GRID2: variants seen among roughly 807,000 people sequenced by gnomAD.
GRID2 encodes the protein glutamate ionotropic receptor delta type subunit 2.
A neutral mutation model predicts 114.8 loss-of-function variants in GRID2; 33 were observed. That is an observed-to-expected ratio of 0.29 (90% CI 0.22 to 0.38). The LOEUF is 0.38. Ranked by LOEUF, GRID2 falls within the 10% of genes least tolerant of loss-of-function variation. The pLI, the probability that GRID2 is intolerant of heterozygous loss-of-function variation, is 1.00. For missense variants in GRID2, 1,184 were observed against 1,257.7 expected, an observed-to-expected ratio of 0.94 and a Z score of 0.89; for synonymous variants, 505 against 449.9, an observed-to-expected ratio of 1.12 and a Z score of -1.55.
chr4:93,006,650 A>T (rs951457743), intron 2 of GRID2, among the ~76,000 whole-genome samples: 9 of 152,100 alleles, frequency 5.9e-5, no homozygotes, highest in Non-Finnish European at 1.2e-4. Context: ...AAATATAAAA[A>T]CACCCCCAAT....
intron 11 of GRID2, among the ~76,000 whole-genome samples, chr4:93,464,330 G>A (rs1055532278): frequency 1.3e-5 from 2 of 152,088 alleles, no homozygotes; most frequent in Non-Finnish European, 2.9e-5. Flanking sequence ...AATAATGATG[G>A]CTATATTTTT....
intron 2 of GRID2, among the ~76,000 whole-genome samples, chr4:92,890,798 A>G (rs1185170938): frequency 1.3e-5 from 2 of 152,224 alleles, no homozygotes; most frequent in East Asian, 3.9e-4. Context: ...ATTCTACTAT[A>G]AAGACACATG....
intron 2 of GRID2, among the ~76,000 whole-genome samples, chr4:92,979,682 T>A (rs981359202): frequency 6.6e-6 from 1 of 152,158 alleles, no homozygotes; most frequent in Non-Finnish European, 1.5e-5. Context: ...CACAGAAAGG[T>A]TAATATCAAG....
intron 14 of GRID2, among the ~76,000 whole-genome samples, chr4:93,673,477 T>C (rs550089414): frequency 6.6e-6 from 1 of 152,348 alleles, no homozygotes; most frequent in South Asian, 2.1e-4. Context: ...TTTCCTTTTA[T>C]ATCTATTTTC....
intron 2 of GRID2, among the ~76,000 whole-genome samples, chr4:92,735,261 C>G (rs566549637): frequency 2.0e-5 from 3 of 152,170 alleles, no homozygotes; most frequent in Non-Finnish European, 2.9e-5. Flanking sequence ...ATGCCTGAAG[C>G]TATGGATGCT....
At position 92,667,816 on chromosome 4, in the gene GRID2, A is replaced by G. The variant is rs1394784143; in HGVS notation, c.244+77530A>G. On this transcript the variant is annotated intron_variant, in intron 2 of 15. Coordinates refer to ENST00000282020, the MANE Select transcript of GRID2 (RefSeq NM_001510.4). ...GCTTGGATTGACATTTGATCAATTG[A>G]TGTTCAAATTAAATAAGTTGTTTGC... 3.3e-5 allele frequency among the ~76,000 whole-genome samples: 5 copies of G among 151,750 alleles called. No individual in the cohort carries two copies. In the East Asian group the frequency reaches 9.7e-4, roughly 29 times the overall value.
chr4:92,862,072 G>A (rs1454546336), intron 2 of GRID2, among the ~76,000 whole-genome samples: 2 of 151,864 alleles, frequency 1.3e-5, no homozygotes, highest in Non-Finnish European at 2.9e-5. Context: ...AAAATATGAA[G>A]GCCTGGCAGA....
At chr4:93,152,499 A>G (rs1343403800) in intron 4 of GRID2, among the ~76,000 whole-genome samples, 1 of 152,150 alleles carries the variant, frequency 6.6e-6, no homozygotes, top group Non-Finnish European at 1.5e-5. Flanking sequence ...AAAGAAGTAC[A>G]AAATATTTAT....
chr4:92,847,972 C>T (rs145240180), intron 2 of GRID2, among the ~76,000 whole-genome samples: 6,298 of 151,970 alleles, frequency 0.041, 178 homozygotes, highest in Non-Finnish European at 0.06. Flanking sequence ...ATTTTCTTAT[C>T]TCCATGTCAA....
chr4:93,219,077 C>T (rs571992558), intron 6 of GRID2, among the ~76,000 whole-genome samples: 2 of 151,914 alleles, frequency 1.3e-5, no homozygotes, highest in South Asian at 4.2e-4. Context: ...TATCAATATG[C>T]TTATAATGTC....
chr4:92,636,860 T>C (rs915085863), intron 2 of GRID2, among the ~76,000 whole-genome samples: 2 of 152,016 alleles, frequency 1.3e-5, no homozygotes, highest in East Asian at 1.9e-4. Flanking sequence ...TGCTTTCTTA[T>C]CACTTCTTAG....
chr4:92,955,793 A>G (rs1231596698), intron 2 of GRID2, among the ~76,000 whole-genome samples: 2 of 152,092 alleles, frequency 1.3e-5, no homozygotes, highest in African/African-American at 4.8e-5. Flanking sequence ...TGATTTTTGT[A>G]TAAGGTGTAA....
At chr4:93,529,186 T>C (rs914103203) in intron 13 of GRID2, among the ~76,000 whole-genome samples, 1 of 152,190 alleles carries the variant, frequency 6.6e-6, no homozygotes, top group Non-Finnish European at 1.5e-5. Context: ...AAAATGCTTA[T>C]TCTTAAACCT....
At chr4:93,084,671 A>G (rs1193256642) in intron 2 of GRID2, among the ~76,000 whole-genome samples, 1 of 152,232 alleles carries the variant, frequency 6.6e-6, no homozygotes, top group Non-Finnish European at 1.5e-5. Context: ...CTATCATGTG[A>G]GAGGCAAATA....
At chr4:92,613,245 C>A (rs377140438) in intron 2 of GRID2, among the ~76,000 whole-genome samples, 16 of 151,290 alleles carry the variant, frequency 1.1e-4, no homozygotes, top group African/African-American at 3.6e-4. Flanking sequence ...AGATGTTCAG[C>A]CAAATTTGCA....
intron 2 of GRID2, among the ~76,000 whole-genome samples, chr4:92,656,680 G>C (rs1732255798): frequency 6.6e-6 from 1 of 151,638 alleles, no homozygotes; most frequent in African/African-American, 2.4e-5. Flanking sequence ...ACCCTCTATG[G>C]AAGGCAATTT....
intron 1 of GRID2, among the ~76,000 whole-genome samples, chr4:92,318,510 T>G (rs1427397325): frequency 7.7e-6 from 1 of 130,402 alleles, no homozygotes; most frequent in Non-Finnish European, 1.6e-5. Context: ...GCCAGGACTT[T>G]TTTTTTTTTT....
At chr4:93,045,913 T>A (rs1042442676) in intron 2 of GRID2, among the ~76,000 whole-genome samples, 10 of 152,142 alleles carry the variant, frequency 6.6e-5, no homozygotes, top group African/African-American at 2.4e-4. Flanking sequence ...TGTATAATGT[T>A]CTAATGTTTA....
At chr4:92,775,790 A>C (rs1259993186) in intron 2 of GRID2, among the ~76,000 whole-genome samples, 1 of 152,118 alleles carries the variant, frequency 6.6e-6, no homozygotes, top group African/African-American at 2.4e-5. Flanking sequence ...ATTGGCCTTA[A>C]CACATGGCCT....
Sources: gnomAD v4.1 joint callset for allele counts (sites outside exome capture counted in the v4.1 genomes callset) on GRCh38, gnomAD v4.1.1 for gene constraint, MANE v1.5 for transcripts, NCBI Gene and HGNC (gene_info 2026-07-23, HGNC 2026-07-21) for gene names.